Variants in VCL observed in about 807,000 individuals in gnomAD.
VCL encodes epididymis luminal protein 114.
Under a neutral mutation model 125.7 loss-of-function variants are expected in VCL, and 47 were observed. The ratio of observed to expected loss-of-function variants is 0.37; its 90% CI spans 0.30 to 0.48. The LOEUF is 0.48. VCL is among the 20% of genes least tolerant of loss of function. VCL has a pLI of 0.99. For missense variants in VCL, 1,069 were observed against 1,455.5 expected, an observed-to-expected ratio of 0.73 and a Z score of 4.32; for synonymous variants, 458 against 514.6, an observed-to-expected ratio of 0.89 and a Z score of 1.49.
chr10:74,087,077 G>T (rs1214595472), intron 8 of VCL, among the ~76,000 whole-genome samples: 2 of 151,788 alleles, frequency 1.3e-5, no homozygotes. Context: ...TATACAGTTG[G>T]ACTCTTTTAA....
intron 1 of VCL, among the ~76,000 whole-genome samples, chr10:74,006,563 G>C (rs991688275): frequency 2.0e-5 from 3 of 152,146 alleles, no homozygotes; most frequent in Admixed American, 6.6e-5. Context: ...TCATACACAG[G>C]TTGAGTATCT....
chr10:74,102,885 G>A (rs77569858), intron 14 of VCL, among the ~76,000 whole-genome samples: 223 of 149,298 alleles, frequency 1.5e-3, no homozygotes, highest in Non-Finnish European at 2.6e-3. Flanking sequence ...TTTTTTTTCC[G>A]AGACGGAGTC....
chr10:74,002,755 G>A (rs1333967142), intron 1 of VCL, among the ~76,000 whole-genome samples: 1 of 151,330 alleles, frequency 6.6e-6, no homozygotes, highest in Non-Finnish European at 1.5e-5. Context: ...GGTGGCACGC[G>A]CCTGTAGTCC....
rs566961713 is a variant in VCL at position 74,089,212 on chromosome 10, C to T, written c.1039C>T (p.Pro347Ser). The T allele has an allele frequency of 5.6e-6, 9 of 1,614,026 alleles. No individual in the cohort carries two copies. The African/African-American group carries it at 1.2e-4, about 22-fold the overall frequency. The change falls in exon 9 of 22, where the codon CCG (proline) becomes TCG (serine). Residue 347 changes from proline (P) to serine (S), a missense_variant. This residue lies in a region of VCL where 760 missense variants were observed against 928.9 expected (regional missense o/e 0.82). Coordinates refer to ENST00000211998, the MANE Select transcript of VCL (RefSeq NM_014000.3). ...TTTGAGCAGAGGACAAGGATCCTCA[C>T]CGGTGGCCATGCAGAAAGCTCAGCA... is the stretch of plus-strand genomic sequence containing the variant. ...DLRARGQGSS[P>S]VAMQKAQQVS...
Position 74,097,173 on chromosome 10 carries a change from G to T in VCL, c.1744-31G>T. The T allele has an allele frequency of 1.2e-6, 2 of 1,610,926 alleles. No individual in the cohort carries two copies. Among genetic ancestry groups the T allele is most frequent in the South Asian group, 1.1e-5 (1 of 90,820 alleles). On this transcript the variant is annotated intron_variant, in intron 12 of 21. Transcript: ENST00000211998. This position sits in a 1 kb window ranked among gnomAD's most constrained non-coding sequence, Gnocchi z 4.1. ...TAGATATGCTTTGAGGATGTATCTG[G>T]ACATTTTCATATGTAAACAATGTTT...
chr10:74,089,475 G>A, intron 9 of VCL, 126 bp downstream of exon 9: 1 of 1,383,192 alleles, frequency 7.2e-7, no homozygotes, highest in Non-Finnish European at 1.0e-6. Context: ...TAAGTGATGA[G>A]TGACTTCCAG....
chr10:74,008,024 G>A (rs1008905491), intron 1 of VCL, among the ~76,000 whole-genome samples: 1 of 152,010 alleles, frequency 6.6e-6, no homozygotes, highest in Admixed American at 6.6e-5. Context: ...GTCTGGTCTC[G>A]AAGTCCTGAC....
chr10:74,077,180 A>G (rs1441432162), intron 6 of VCL: 1 of 152,696 alleles, frequency 6.5e-6, no homozygotes, highest in East Asian at 1.9e-4. Context: ...CAACTCAAGT[A>G]CACGATGACA....
At chr10:74,023,959 A>G (rs143005740) in intron 1 of VCL, among the ~76,000 whole-genome samples, 1 of 152,324 alleles carries the variant, frequency 6.6e-6, no homozygotes, top group African/African-American at 2.4e-5. Flanking sequence ...ATGTAGTCAC[A>G]CTAAATTGTG....
intron 2 of VCL, among the ~76,000 whole-genome samples, chr10:74,049,429 C>T (rs533782421): frequency 2.6e-5 from 4 of 152,062 alleles, no homozygotes; most frequent in East Asian, 1.9e-4. Flanking sequence ...TATTTTAAGA[C>T]GTTTCCAATT....
rs1339033465 is a variant in VCL, at chr10:74,071,154, T to C, written c.499+71T>C. On this transcript the variant is annotated intron_variant, in intron 4 of 21. Coordinates refer to ENST00000211998, the MANE Select transcript of VCL (RefSeq NM_014000.3). The surrounding 1 kb of genome is among the most constrained non-coding windows in gnomAD (Gnocchi z 4.1). ...GTTGGAGCCAAAGGAAAGGGTACCC[T>C]CTTCCTACTTTTTGCAGAAGATAGG... 3 of 1,463,610 alleles carry C rather than the reference T, an allele frequency of 2.0e-6. No individual in the cohort carries two copies. The highest frequency in any genetic ancestry group is 2.9e-6 in the Non-Finnish European group (3 of 1,047,242). The allele number at this position is 1,463,610 out of a possible 1,614,324, so 90.7% of individuals were successfully genotyped here.
intron 1 of VCL, among the ~76,000 whole-genome samples, chr10:74,006,084 C>T (rs1840319748): frequency 6.6e-6 from 1 of 152,090 alleles, no homozygotes; most frequent in Admixed American, 6.6e-5. Context: ...CAGCGTTTCA[C>T]CTTGTTAGCC....
chr10:74,031,015 A>C (rs1381722779), intron 1 of VCL, among the ~76,000 whole-genome samples: 1 of 152,238 alleles, frequency 6.6e-6, no homozygotes, highest in Non-Finnish European at 1.5e-5. Context: ...TGTTTCCTAC[A>C]TATGTCCTAG....
intron 2 of VCL, among the ~76,000 whole-genome samples, chr10:74,067,394 T>TAAC (rs113528176): frequency 0.063 from 9,553 of 151,708 alleles, 1,031 homozygotes; most frequent in African/African-American, 0.22. Flanking sequence ...AAAAAAAAGA[T>TAAC]AAGCATTGGT....
At chr10:74,105,021 A>G (rs755767417) in intron 15 of VCL, 30 bp from the exon 16 acceptor site, 4 of 1,613,070 alleles carry the variant, frequency 2.5e-6, no homozygotes, top group Non-Finnish European at 2.5e-6. Flanking sequence ...TCTAAATTGA[A>G]ACTAAATTCC....
intron 1 of VCL, among the ~76,000 whole-genome samples, chr10:74,011,067 A>T (rs1261441366): frequency 6.9e-6 from 1 of 145,376 alleles, no homozygotes; most frequent in Non-Finnish European, 1.5e-5. Context: ...GGTACATGGG[A>T]GGCTGAGGCA....
At chr10:74,037,590 T>C (rs1282066121) in intron 1 of VCL, among the ~76,000 whole-genome samples, 5 of 152,230 alleles carry the variant, frequency 3.3e-5, no homozygotes, top group Non-Finnish European at 7.3e-5. Context: ...AACTGAACTT[T>C]CCTTTCTAGC....
At chr10:74,103,463 G>C (rs1840089713) in intron 14 of VCL, among the ~76,000 whole-genome samples, 1 of 152,174 alleles carries the variant, frequency 6.6e-6, no homozygotes, top group Non-Finnish European at 1.5e-5. Context: ...AATCAGTTTT[G>C]AGTACTTTTC....
chr10:74,065,225 C>T (rs1241542060), intron 2 of VCL, among the ~76,000 whole-genome samples: 2 of 151,848 alleles, frequency 1.3e-5, no homozygotes, highest in Non-Finnish European at 2.9e-5. Context: ...CAACCTCCGC[C>T]TCCCAGGTTC....
Sources: gnomAD v4.1 joint callset for allele counts (sites outside exome capture counted in the v4.1 genomes callset) on GRCh38, gnomAD v4.1.1 for gene constraint, gnomAD v4.1.1 regional missense constraint, Gnocchi (gnomAD v3.1) non-coding constraint, MANE v1.5 for transcripts, NCBI Gene and HGNC (gene_info 2026-07-23, HGNC 2026-07-21) for gene names.